Variants in AGBL1 observed in about 807,000 individuals in gnomAD.
AGBL1 encodes AGBL carboxypeptidase 1.
AGBL1 carries 130 observed loss-of-function variants against 118.9 expected under a neutral mutation model. The observed-to-expected ratio is 1.09, with a 90% CI of 0.95 to 1.26. The LOEUF is 1.26. Among genes scored for constraint, AGBL1 ranks in the 50% most tolerant of loss-of-function variants. AGBL1 has a pLI of 0.00. For missense variants in AGBL1, 1,584 were observed against 1,298.1 expected (o/e 1.22, Z -3.38); for synonymous variants, 555 against 478.9 (o/e 1.16, Z -2.08).
chr15:87,021,530 A>G (rs1226094252), intron 24 of AGBL1, among the ~76,000 whole-genome samples: 4 of 152,200 alleles, frequency 2.6e-5, no homozygotes, highest in Non-Finnish European at 4.4e-5. Context: ...CTGCACAGCA[A>G]ATGCAACTCT....
intron 23 of AGBL1, among the ~76,000 whole-genome samples, chr15:86,985,094 G>A (rs1232315670): frequency 1.3e-5 from 2 of 152,168 alleles, no homozygotes; most frequent in African/African-American, 4.8e-5. Flanking sequence ...TTGCAAAATA[G>A]TAGTACATTG....
At chr15:86,815,043 G>A (rs2078840184) in intron 22 of AGBL1, among the ~76,000 whole-genome samples, 1 of 151,902 alleles carries the variant, frequency 6.6e-6, no homozygotes, top group Admixed American at 6.6e-5. Flanking sequence ...TAATATGGCA[G>A]TTGACCACCA....
chr15:86,749,771 G>A (rs912115209), intron 22 of AGBL1, among the ~76,000 whole-genome samples: 2 of 152,272 alleles, frequency 1.3e-5, no homozygotes, highest in African/African-American at 2.4e-5. Flanking sequence ...AGATAATCAT[G>A]TGGTTTTTGT....
intron 24 of AGBL1, among the ~76,000 whole-genome samples, chr15:87,014,331 T>C (rs2081589385): frequency 6.6e-6 from 1 of 152,204 alleles, no homozygotes; most frequent in Non-Finnish European, 1.5e-5. Flanking sequence ...CTTAATTCTA[T>C]TGCGTGATCT....
At chr15:86,706,383 G>C (rs1222685431) in intron 22 of AGBL1, among the ~76,000 whole-genome samples, 1 of 152,084 alleles carries the variant, frequency 6.6e-6, no homozygotes. Flanking sequence ...CATAGAGGCA[G>C]AACTCAGATT....
chr15:86,588,990 TTA>T (rs1467539904), intron 21 of AGBL1, among the ~76,000 whole-genome samples: 2 of 152,160 alleles, frequency 1.3e-5, no homozygotes, highest in Non-Finnish European at 2.9e-5. Context: ...TTTTTATTTT[TTA>T]TGTGTATCTT....
intron 22 of AGBL1, among the ~76,000 whole-genome samples, chr15:86,700,387 A>G (rs941487874): frequency 2.0e-5 from 3 of 151,758 alleles, no homozygotes; most frequent in Non-Finnish European, 4.4e-5. Flanking sequence ...CCATTTTTAA[A>G]TAATGCTTGG....
At chr15:86,244,966 G>C (rs553718254) in intron 6 of AGBL1, among the ~76,000 whole-genome samples, 2 of 152,194 alleles carry the variant, frequency 1.3e-5, no homozygotes, top group South Asian at 2.1e-4. Context: ...TGATACAAAA[G>C]AACAATTCAT....
At chr15:86,817,156 TG>T (rs200927733) in intron 22 of AGBL1, among the ~76,000 whole-genome samples, 1,861 of 151,960 alleles carry the variant, frequency 0.012, 25 homozygotes, top group Middle Eastern at 0.061. Context: ...CCAGGCGTGG[TG>T]GTCAGGTGGC....
At chr15:86,629,009 T>G (rs1486296555) in intron 21 of AGBL1, among the ~76,000 whole-genome samples, 1 of 152,108 alleles carries the variant, frequency 6.6e-6, no homozygotes, top group Non-Finnish European at 1.5e-5. Flanking sequence ...ACACTTAAGA[T>G]CTGGTCTCAG....
chr15:87,003,595 T>G (rs757337258), intron 24 of AGBL1, among the ~76,000 whole-genome samples: 2 of 152,184 alleles, frequency 1.3e-5, no homozygotes, highest in Non-Finnish European at 2.9e-5. Flanking sequence ...CAGCTGTGAA[T>G]CCATCTGGTC....
At chr15:86,880,243 A>C (rs995227733) in intron 22 of AGBL1, among the ~76,000 whole-genome samples, 5 of 152,244 alleles carry the variant, frequency 3.3e-5, no homozygotes, top group Non-Finnish European at 7.3e-5. Flanking sequence ...CTATAAAATT[A>C]TGTCAGTGAT....
intron 22 of AGBL1, among the ~76,000 whole-genome samples, chr15:86,887,180 T>C (rs2079982306): frequency 6.6e-6 from 1 of 152,206 alleles, no homozygotes. Context: ...AAGGTATATG[T>C]GTAAAGATAT....
intron 22 of AGBL1, among the ~76,000 whole-genome samples, chr15:86,875,360 A>G (rs931627808): frequency 6.6e-6 from 1 of 152,204 alleles, no homozygotes; most frequent in Non-Finnish European, 1.5e-5. Flanking sequence ...CAAATGTACC[A>G]GTTTCCCTTA....
intron 22 of AGBL1, among the ~76,000 whole-genome samples, chr15:86,839,931 A>C (rs568304842): frequency 5.1e-4 from 78 of 152,188 alleles, no homozygotes; most frequent in Non-Finnish European, 8.5e-4. Context: ...GACTTCTATG[A>C]ATTTTTTATG....
chr15:86,334,948 A>C (rs1228840640), intron 17 of AGBL1, among the ~76,000 whole-genome samples: 3 of 152,216 alleles, frequency 2.0e-5, no homozygotes, highest in Non-Finnish European at 4.4e-5. Context: ...AAATAAAGGC[A>C]TTTTTTAGAA....
At chr15:86,935,997 C>T (rs981973331) in intron 23 of AGBL1, among the ~76,000 whole-genome samples, 5 of 152,234 alleles carry the variant, frequency 3.3e-5, no homozygotes, top group South Asian at 2.1e-4. Flanking sequence ...GTCCTGTCCT[C>T]GGCTGAAGAG....
At chr15:86,545,277 G>A (rs948912658) in intron 19 of AGBL1, among the ~76,000 whole-genome samples, 2 of 152,290 alleles carry the variant, frequency 1.3e-5, no homozygotes, top group East Asian at 3.9e-4. Context: ...AAGCCATTGT[G>A]TTTTGATGGT....
intron 22 of AGBL1, among the ~76,000 whole-genome samples, chr15:86,697,503 A>T (rs1176375840): frequency 6.9e-6 from 1 of 144,616 alleles, no homozygotes. Flanking sequence ...ATCTTGTATC[A>T]TTTTTTTTTT....
Sources: gnomAD v4.1 joint callset for allele counts (sites outside exome capture counted in the v4.1 genomes callset) on GRCh38, gnomAD v4.1.1 for gene constraint, MANE v1.5 for transcripts, NCBI Gene and HGNC (gene_info 2026-07-23, HGNC 2026-07-21) for gene names.